Variants in RFX6 observed in about 807,000 individuals in gnomAD.
RFX6 encodes the protein DNA-binding protein RFX6.
Under a neutral mutation model 110.8 loss-of-function variants are expected in RFX6, and 50 were observed. That is an observed-to-expected ratio of 0.45 (90% CI 0.36 to 0.57). The LOEUF is 0.57. Among genes scored for constraint, RFX6 ranks in the 20% least tolerant of loss-of-function variants. The pLI, the probability that RFX6 is intolerant of heterozygous loss-of-function variation, is 0.00. For missense variants in RFX6, 990 were observed against 1,127.0 expected, an observed-to-expected ratio of 0.88 and a Z score of 1.74; for synonymous variants, 383 against 411.2, an observed-to-expected ratio of 0.93 and a Z score of 0.83.
intron 6 of RFX6, among the ~76,000 whole-genome samples, chr6:116,906,554 T>C (rs1221138007): frequency 6.6e-6 from 1 of 152,180 alleles, no homozygotes; most frequent in East Asian, 1.9e-4. Flanking sequence ...TTATGTAGTT[T>C]GTATTGTACA....
intron 2 of RFX6, among the ~76,000 whole-genome samples, chr6:116,879,140 T>C (rs1774532150): frequency 6.6e-6 from 1 of 151,940 alleles, no homozygotes; most frequent in Admixed American, 6.5e-5. Context: ...ATTGAGTGTG[T>C]GGAAATATAT....
At chr6:116,890,060 T>C (rs1562134491) in intron 4 of RFX6, among the ~76,000 whole-genome samples, 1 of 151,942 alleles carries the variant, frequency 6.6e-6, no homozygotes, top group African/African-American at 2.4e-5. Flanking sequence ...TGTGTGTGAA[T>C]GCAGACATAT....
At chr6:116,911,185 C>T (rs1314553781) in intron 7 of RFX6, 143 bp downstream of exon 7, 2 of 641,816 alleles carry the variant, frequency 3.1e-6, no homozygotes, top group Non-Finnish European at 5.6e-6. Context: ...GAGAGGCAAA[C>T]TTTTGTTAAC....
At chr6:116,909,729 T>C (rs1775290531) in intron 6 of RFX6, among the ~76,000 whole-genome samples, 1 of 148,166 alleles carries the variant, frequency 6.7e-6, no homozygotes, top group African/African-American at 2.5e-5. Context: ...TAAAGCTCAT[T>C]TAAATCTTTT....
chr6:116,886,290 A>C (rs987695765), intron 4 of RFX6, among the ~76,000 whole-genome samples: 3 of 152,148 alleles, frequency 2.0e-5, no homozygotes, highest in African/African-American at 7.2e-5. Context: ...AGTTTGGCCA[A>C]ATTATTATAG....
At chr6:116,923,375 G>A (rs972844372) in intron 14 of RFX6, 151 bp downstream of exon 14, 1 of 648,616 alleles carries the variant, frequency 1.5e-6, no homozygotes, top group Non-Finnish European at 2.8e-6. Flanking sequence ...TTATGAGCCT[G>A]GGTTTTGGAG....
chr6:116,913,570 T>C (rs1029870083), intron 7 of RFX6, among the ~76,000 whole-genome samples: 1 of 152,186 alleles, frequency 6.6e-6, no homozygotes, highest in African/African-American at 2.4e-5. Flanking sequence ...GAAAATTGAC[T>C]AAGATTATGT....
chr6:116,895,222 C>A lies in RFX6; in HGVS notation c.672+15C>A. Reference sequence around the variant, plus strand: ...TAAAGAATGAGGTAAGAATTATTTTCATCTCTATTTTACATCTGCTATAAT... The same window carrying A: ...TAAAGAATGAGGTAAGAATTATTTTAATCTCTATTTTACATCTGCTATAAT... On this transcript the variant is annotated intron_variant, in intron 6 of 18. Transcript: ENST00000332958. 2 of 1,387,698 alleles carry A rather than the reference C, an allele frequency of 1.4e-6. No homozygotes were observed. The highest frequency in any genetic ancestry group is 2.0e-6 in the Non-Finnish European group (2 of 975,966). The allele number at this position is 1,387,698 out of a possible 1,614,324, so 86.0% of individuals were successfully genotyped here.
At chr6:116,886,550 A>G (rs1359659702) in intron 4 of RFX6, among the ~76,000 whole-genome samples, 1 of 152,236 alleles carries the variant, frequency 6.6e-6, no homozygotes, top group East Asian at 1.9e-4. Flanking sequence ...CCTAAAAATC[A>G]TGAATGAATG....
At position 116,886,856 on chromosome 6, in the gene RFX6, A is replaced by G. The variant is rs183059932; in HGVS notation, c.566+4428A>G. Among the ~76,000 whole-genome samples the G allele has an allele frequency of 4.6e-3, 695 of 152,276 alleles. 2 individuals are homozygous for G. Among genetic ancestry groups the G allele is most frequent in the Non-Finnish European group, 6.9e-3 (469 of 67,994 alleles). Reference sequence around the variant, plus strand: ...GAGACAGGAGGATCAGGAGGTCAAGAGATTGAGACCATCCTGGCTAACATG... The same window carrying G: ...GAGACAGGAGGATCAGGAGGTCAAGGGATTGAGACCATCCTGGCTAACATG... On this transcript the variant is annotated intron_variant, in intron 4 of 18. Transcript: ENST00000332958.
intron 12 of RFX6, among the ~76,000 whole-genome samples, chr6:116,920,971 A>AGCACAAT: frequency 6.6e-6 from 1 of 152,288 alleles, no homozygotes; most frequent in East Asian, 1.9e-4. Context: ...ATGGTATCTC[A>AGCACAAT]GCACAATACT....
chr6:116,920,620 G>C (rs1244147982), intron 12 of RFX6, among the ~76,000 whole-genome samples, 166 bp downstream of exon 12: 2 of 151,934 alleles, frequency 1.3e-5, no homozygotes, highest in African/African-American at 2.4e-5. Context: ...CCCAAGCTGA[G>C]ACAACCAAAA....
chr6:116,902,295 A>G (rs1289484495), intron 6 of RFX6, among the ~76,000 whole-genome samples: 2 of 152,036 alleles, frequency 1.3e-5, no homozygotes, highest in Non-Finnish European at 2.9e-5. Flanking sequence ...CAGGATGGTA[A>G]GTGGGTATTT....
At chr6:116,925,734 A>T (rs1056464583) in intron 16 of RFX6, 75 bp downstream of exon 16, 1 of 931,970 alleles carries the variant, frequency 1.1e-6, no homozygotes, top group Non-Finnish European at 1.7e-6. Context: ...TAAAACTCAT[A>T]ACTTCCAGTC....
intron 16 of RFX6, among the ~76,000 whole-genome samples, chr6:116,926,476 T>C (rs1414910586): frequency 6.6e-6 from 1 of 152,204 alleles, no homozygotes; most frequent in African/African-American, 2.4e-5. Flanking sequence ...TTTATATACA[T>C]TACTTCATTT....
chr6:116,926,059 G>A (rs1188100838), intron 16 of RFX6, among the ~76,000 whole-genome samples: 1 of 152,172 alleles, frequency 6.6e-6, no homozygotes. Flanking sequence ...GCTCATGCCT[G>A]TAATCTCAGC....
At chr6:116,898,956 GGTATT>G (rs1775009356) in intron 6 of RFX6, among the ~76,000 whole-genome samples, 1 of 152,112 alleles carries the variant, frequency 6.6e-6, no homozygotes. Flanking sequence ...TGTTTAGAAT[GGTATT>G]GATTAAGCAC....
intron 4 of RFX6, among the ~76,000 whole-genome samples, chr6:116,883,366 A>C (rs1774632987): frequency 6.6e-6 from 1 of 151,216 alleles, no homozygotes. Flanking sequence ...CTCTTCTACC[A>C]CTCCTTTTCT....
Position 116,925,595 on chromosome 6 carries a change from T to C in RFX6, c.1821T>C (p.Pro607=), listed in dbSNP as rs184287961. Residue 607 remains proline, a synonymous_variant, in exon 16 of 19, where the codon CCT becomes CCC. Coordinates refer to ENST00000332958, the MANE Select transcript of RFX6 (RefSeq NM_173560.4). The part of the protein sequence containing the change: ...TTYLPLPSSQ[P]GGLGPALHQF... Reference sequence around the variant, plus strand: ...ATCTCCCTCTGCCATCCAGTCAACCTGGAGGCCTAGGCCCTGCTCTGCACC... The same window carrying C: ...ATCTCCCTCTGCCATCCAGTCAACCCGGAGGCCTAGGCCCTGCTCTGCACC... 6.2e-7 allele frequency: 1 copy of C among 1,614,022 alleles called. No homozygotes were observed. The highest frequency in any genetic ancestry group is 1.3e-5 in the African/African-American group (1 of 75,058).
Sources: allele counts gnomAD v4.1 joint callset (sites outside exome capture counted in the v4.1 genomes callset), GRCh38; gene constraint gnomAD v4.1.1; transcripts MANE v1.5; gene names NCBI Gene and HGNC (gene_info 2026-07-23, HGNC 2026-07-21).